PIAS1: variants seen among roughly 807,000 people sequenced by gnomAD.
PIAS1 encodes E3 SUMO-protein ligase PIAS1.
A neutral mutation model predicts 71.3 loss-of-function variants in PIAS1; 6 were observed. The observed-to-expected ratio is 0.08, with a 90% CI of 0.05 to 0.17. The LOEUF is 0.17. Ranked by LOEUF, PIAS1 falls within the 10% of genes least tolerant of loss-of-function variation. The pLI, the probability that PIAS1 is intolerant of heterozygous loss-of-function variation, is 1.00. For synonymous variants in PIAS1, 303 were observed against 292.9 expected (o/e 1.03, Z -0.35); for missense variants, 555 against 793.6 (o/e 0.70, Z 3.61).
chr15:68,151,858 T>A (rs2092848154), intron 6 of PIAS1, among the ~76,000 whole-genome samples: 1 of 149,740 alleles, frequency 6.7e-6, no homozygotes, highest in Admixed American at 6.7e-5. Flanking sequence ...AGACTCTGTC[T>A]CAAATTAAAT....
chr15:68,060,646 A>G (rs2091948203), intron 1 of PIAS1, among the ~76,000 whole-genome samples: 1 of 152,184 alleles, frequency 6.6e-6, no homozygotes, highest in Non-Finnish European at 1.5e-5. Context: ...CCCAAAAAAC[A>G]AACACTATAC....
At position 68,054,516 on chromosome 15, in the gene PIAS1, G is replaced by T; in HGVS notation, c.24+166G>T. On this transcript the variant is annotated intron_variant, in intron 1 of 13. Coordinates refer to ENST00000249636, the MANE Select transcript of PIAS1 (RefSeq NM_016166.3). This position sits in a 1 kb window ranked among gnomAD's most constrained non-coding sequence, Gnocchi z 4.6. ...CGGTCTCAGCAGAGGGGGCCCGCCT[G>T]CGGCGGGCCGCGGGCCCCGGGTGCC... The T allele has an allele frequency of 1.7e-6, 1 of 584,402 alleles. No homozygotes were observed. 36.2% of individuals were successfully genotyped at this position (584,402 alleles called of 1,614,324 possible). A position where few individuals can be genotyped will look rare whatever the true frequency, so the allele number is the denominator to read the frequency against.
At chr15:68,072,634 G>C (rs1003212520) in intron 1 of PIAS1, among the ~76,000 whole-genome samples, 1 of 152,030 alleles carries the variant, frequency 6.6e-6, no homozygotes, top group Non-Finnish European at 1.5e-5. Flanking sequence ...CCACATCCAA[G>C]TCTTTTCAAA....
At chr15:68,128,664 T>G (rs2141028750) in intron 2 of PIAS1, among the ~76,000 whole-genome samples, 1 of 152,332 alleles carries the variant, frequency 6.6e-6, no homozygotes, top group South Asian at 2.1e-4. Flanking sequence ...TGTTAAAACA[T>G]TCCAGATTCT....
At chr15:68,150,143 G>T (rs1252964575) in intron 6 of PIAS1, among the ~76,000 whole-genome samples, 1 of 151,828 alleles carries the variant, frequency 6.6e-6, no homozygotes, top group Non-Finnish European at 1.5e-5. Context: ...TATTTCTAGT[G>T]TACCTTGGAG....
At chr15:68,146,739 AAGG>A (rs751528049) in intron 6 of PIAS1, 39 bp downstream of exon 6, 176 of 1,516,622 alleles carry the variant, frequency 1.2e-4, no homozygotes, top group Admixed American at 5.1e-5. Context: ...TTTGTATTAT[AAGG>A]AGGGGTTAAT....
intron 7 of PIAS1, among the ~76,000 whole-genome samples, chr15:68,156,143 G>A (rs1270382048): frequency 6.6e-6 from 1 of 152,170 alleles, no homozygotes; most frequent in African/African-American, 2.4e-5. Context: ...CATTAAACAA[G>A]ACACATACCA....
chr15:68,072,096 A>G (rs993813509), intron 1 of PIAS1, among the ~76,000 whole-genome samples: 2 of 150,786 alleles, frequency 1.3e-5, no homozygotes, highest in Non-Finnish European at 3.0e-5. Flanking sequence ...GTAAGAGAGT[A>G]ATAAGAGTTA....
chr15:68,117,833 T>C (rs2092578833), intron 2 of PIAS1, among the ~76,000 whole-genome samples: 2 of 152,238 alleles, frequency 1.3e-5, no homozygotes, highest in South Asian at 4.1e-4. Context: ...GATATCTTTT[T>C]CACATGCTGA....
At chr15:68,101,404 T>C (rs1212876096) in intron 2 of PIAS1, among the ~76,000 whole-genome samples, 4 of 151,772 alleles carry the variant, frequency 2.6e-5, no homozygotes, top group African/African-American at 9.7e-5. Context: ...CTTCGTTGGG[T>C]TTGTGGTTTG....
chr15:68,135,705 G>T (rs1423544994), intron 2 of PIAS1, among the ~76,000 whole-genome samples: 3 of 61,952 alleles, frequency 4.8e-5, no homozygotes, highest in Non-Finnish European at 1.0e-4. Flanking sequence ...GGTGGCTGCC[G>T]GGCGGAGACG....
rs1267316515 is a variant in PIAS1, at chr15:68,190,747, T to C, written c.*2912T>C. On this transcript the variant is annotated 3_prime_UTR_variant, in exon 14 of 14. Transcript: ENST00000249636. The surrounding 1 kb of genome is among the most constrained non-coding windows in gnomAD (Gnocchi z 4.7). ...CTTTTAATTACTTCGTGAGTGTTAT[T>C]GGATACATCTTAAAAAAAAAAAATC... is the stretch of plus-strand genomic sequence containing the variant. 6.6e-6 allele frequency: 1 copy of C among 152,118 alleles called. No homozygotes were observed. The highest frequency in any genetic ancestry group is 6.6e-5 in the Admixed American group (1 of 15,262). The allele number at this position is 152,118 out of a possible 1,614,324, so 9.4% of individuals were successfully genotyped here. A position where few individuals can be genotyped will look rare whatever the true frequency, so the allele number is the denominator to read the frequency against.
rs1372295037 is a variant in PIAS1, at chr15:68,146,551, A to G, written c.694-15A>G. 6.2e-7 allele frequency: 1 copy of G among 1,602,476 alleles called. No homozygotes were observed. Among genetic ancestry groups the G allele is most frequent in the South Asian group, 1.1e-5 (1 of 90,446 alleles). Reference sequence around the variant, plus strand: ...TGGAAATAATAAGTATAAATAAATTACATTTCATTTTTAGGGTTACCTTCC... The same window carrying G: ...TGGAAATAATAAGTATAAATAAATTGCATTTCATTTTTAGGGTTACCTTCC... On this transcript the variant is annotated splice_polypyrimidine_tract_variant and intron_variant, in intron 5 of 13. Transcript: ENST00000249636.
chr15:68,161,978 C>G (rs2092927613), intron 7 of PIAS1, among the ~76,000 whole-genome samples: 1 of 151,556 alleles, frequency 6.6e-6, no homozygotes, highest in South Asian at 2.1e-4. Context: ...CTCACTCTGT[C>G]ACCCAGGCTG....
chr15:68,097,410 G>A (rs1027466124), intron 2 of PIAS1, among the ~76,000 whole-genome samples: 6 of 151,980 alleles, frequency 3.9e-5, no homozygotes, highest in South Asian at 4.1e-4. Flanking sequence ...AATTATAAAA[G>A]CATGTTGTAA....
At chr15:68,075,613 T>G (rs1337824072) in intron 1 of PIAS1, among the ~76,000 whole-genome samples, 1 of 152,168 alleles carries the variant, frequency 6.6e-6, no homozygotes, top group East Asian at 1.9e-4. Flanking sequence ...AGTGAAAGTC[T>G]TCCATTCTGT....
chr15:68,183,514 A>G, intron 12 of PIAS1, 116 bp from the exon 13 acceptor site: 2 of 590,876 alleles, frequency 3.4e-6, no homozygotes, highest in South Asian at 1.8e-5. Context: ...TCATGTTTAA[A>G]TAAAATTCTG....
intron 1 of PIAS1, among the ~76,000 whole-genome samples, chr15:68,067,615 A>T: frequency 6.6e-6 from 1 of 152,216 alleles, no homozygotes; most frequent in Admixed American, 6.5e-5. Context: ...AATATATAAT[A>T]ATGATTCTTA....
chr15:68,186,791 C>T lies in PIAS1; in HGVS notation c.1663-751C>T, dbSNP rs1273490411. Among the ~76,000 whole-genome samples, 1 of 152,238 alleles carries T rather than the reference C, an allele frequency of 6.6e-6. No homozygotes were observed. The highest frequency in any genetic ancestry group is 2.4e-5 in the African/African-American group (1 of 41,468). On this transcript the variant is annotated intron_variant, in intron 13 of 13. Transcript: ENST00000249636. This position sits in a 1 kb window ranked among gnomAD's most constrained non-coding sequence, Gnocchi z 4.4. ...TTGTGTTACAGTTGCCTACGGCATTCAGCACAGTAACATGCTGTACAGGTT... is the reference window on the plus strand; with the variant it reads ...TTGTGTTACAGTTGCCTACGGCATTTAGCACAGTAACATGCTGTACAGGTT...
Sources: allele counts gnomAD v4.1 joint callset (sites outside exome capture counted in the v4.1 genomes callset), GRCh38; gene constraint gnomAD v4.1.1; non-coding constraint Gnocchi (gnomAD v3.1); transcripts MANE v1.5; gene names NCBI Gene and HGNC (gene_info 2026-07-23, HGNC 2026-07-21).